Variants in SPATA13 observed in about 807,000 individuals in gnomAD.
The protein encoded by SPATA13 is spermatogenesis-associated protein 13.
A neutral mutation model predicts 104.0 loss-of-function variants in SPATA13; 50 were observed. The observed-to-expected ratio is 0.48, with a 90% confidence interval of 0.38 to 0.61. SPATA13 has a LOEUF of 0.61. SPATA13 is among the 20% of genes least tolerant of loss of function. The pLI is 0.00. For synonymous variants in SPATA13, 606 were observed against 667.5 expected (o/e 0.91, Z 1.42); for missense variants, 1,524 against 1,690.6 (o/e 0.90, Z 1.73).
At chr13:24,302,370 G>A (rs1478656792) in intron 12 of SPATA13, among the ~76,000 whole-genome samples, 2 of 150,124 alleles carry the variant, frequency 1.3e-5, no homozygotes, top group Admixed American at 6.7e-5. Context: ...GCTGAGGTGG[G>A]AGGATCGCTT....
intron 2 of SPATA13, among the ~76,000 whole-genome samples, chr13:24,004,070 G>T (rs1320467466): frequency 6.6e-6 from 1 of 152,142 alleles, no homozygotes; most frequent in Non-Finnish European, 1.5e-5. Flanking sequence ...GCACTCCTGG[G>T]CTTTGGTCTG....
chr13:24,006,879 G>A (rs904143311), intron 2 of SPATA13, among the ~76,000 whole-genome samples: 4 of 152,174 alleles, frequency 2.6e-5, no homozygotes, highest in Non-Finnish European at 5.9e-5. Flanking sequence ...GGATGCCCCC[G>A]CTCGGCAATT....
intron 3 of SPATA13, among the ~76,000 whole-genome samples, chr13:24,138,503 C>A (rs1057225246): frequency 3.3e-5 from 5 of 152,136 alleles, no homozygotes; most frequent in African/African-American, 1.2e-4. Context: ...TTATAAAATA[C>A]ATTTCTTTAA....
In SPATA13 at chr13:24,304,076, C is replaced by T. The variant is rs968293044; in HGVS notation, c.*1303C>T. ...TTAGCAATGAAGTCACAAAGACAGC[C>T]AAAGCAGTCCTGCTTCTTGGAAATC... On this transcript the variant is annotated 3_prime_UTR_variant, in exon 13 of 13. Coordinates refer to ENST00000382108, the MANE Select transcript of SPATA13 (RefSeq NM_001166271.3). The T allele has an allele frequency of 6.6e-6, 1 of 152,228 alleles. No individual in the cohort carries two copies. The highest frequency in any genetic ancestry group is 2.4e-5 in the African/African-American group (1 of 41,452). 9.4% of individuals were successfully genotyped at this position (152,228 alleles called of 1,614,324 possible). A position where few individuals can be genotyped will look rare whatever the true frequency, so the allele number is the denominator to read the frequency against.
At chr13:24,044,433 G>T (rs1337425171) in intron 3 of SPATA13, among the ~76,000 whole-genome samples, 1 of 151,928 alleles carries the variant, frequency 6.6e-6, no homozygotes, top group Admixed American at 6.5e-5. Context: ...GGGTTTCACC[G>T]TGTTGGCCAA....
intron 3 of SPATA13, among the ~76,000 whole-genome samples, chr13:24,052,601 A>G (rs941668058): frequency 2.0e-5 from 3 of 151,794 alleles, no homozygotes; most frequent in African/African-American, 7.3e-5. Flanking sequence ...GATGAAAGCC[A>G]GGCTGTGGAT....
At chr13:24,155,959 T>C (rs1882244865), upstream of SPATA13, among the ~76,000 whole-genome samples, 1 of 152,238 alleles carries the variant, frequency 6.6e-6, no homozygotes, top group Admixed American at 6.5e-5. Flanking sequence ...GATGGGCTTA[T>C]GCATTTAATG....
At chr13:24,076,976 A>G (rs1879352114) in intron 3 of SPATA13, among the ~76,000 whole-genome samples, 2 of 152,052 alleles carry the variant, frequency 1.3e-5, no homozygotes, top group African/African-American at 2.4e-5. Context: ...GGATACGGCA[A>G]AGTCCTTCCC....
chr13:24,100,492 G>C (rs181193542), intron 3 of SPATA13, among the ~76,000 whole-genome samples: 2 of 152,220 alleles, frequency 1.3e-5, no homozygotes, highest in East Asian at 1.9e-4. Flanking sequence ...CCCTCTCTCA[G>C]CTATTTCCAG....
At chr13:24,174,778 C>T (rs1427469695) in intron 1 of SPATA13, among the ~76,000 whole-genome samples, 1 of 152,136 alleles carries the variant, frequency 6.6e-6, no homozygotes, top group Non-Finnish European at 1.5e-5. Flanking sequence ...AGGGTTTCAC[C>T]ATGTTGGCCA....
chr13:24,189,283 A>T (rs1242852832), intron 1 of SPATA13, among the ~76,000 whole-genome samples: 6 of 151,966 alleles, frequency 3.9e-5, no homozygotes, highest in Admixed American at 2.0e-4. Flanking sequence ...CATCCTGGCT[A>T]ACACAGTGAA....
intron 3 of SPATA13, among the ~76,000 whole-genome samples, chr13:24,092,997 G>A (rs1469667633): frequency 1.3e-5 from 2 of 152,202 alleles, no homozygotes; most frequent in African/African-American, 2.4e-5. Flanking sequence ...ACCAAAGGCC[G>A]TGATGATTAA....
chr13:24,086,846 G>A (rs1879741364), intron 3 of SPATA13, among the ~76,000 whole-genome samples: 1 of 152,152 alleles, frequency 6.6e-6, no homozygotes, highest in South Asian at 2.1e-4. Flanking sequence ...CAGCAATGAA[G>A]CAGATGCCTC....
chr13:24,084,218 G>C (rs1879645775), intron 3 of SPATA13, among the ~76,000 whole-genome samples: 2 of 152,294 alleles, frequency 1.3e-5, no homozygotes, highest in South Asian at 4.1e-4. Flanking sequence ...ATGCGTTGGG[G>C]AGATGTGGGT....
At chr13:24,069,419 G>A (rs1039030759) in intron 3 of SPATA13, among the ~76,000 whole-genome samples, 69 of 152,198 alleles carry the variant, frequency 4.5e-4, no homozygotes, top group African/African-American at 1.5e-3. Context: ...TTGGCTCTTG[G>A]CTTCACTGTT....
intron 2 of SPATA13, among the ~76,000 whole-genome samples, chr13:24,243,247 C>T (rs1005415548): frequency 1.3e-5 from 2 of 152,200 alleles, no homozygotes; most frequent in East Asian, 1.9e-4. Flanking sequence ...TACTACGTTA[C>T]GGCTCTTTTA....
chr13:24,240,903 T>G (rs1352590306), intron 2 of SPATA13, among the ~76,000 whole-genome samples: 2 of 152,228 alleles, frequency 1.3e-5, no homozygotes, highest in African/African-American at 4.8e-5. Flanking sequence ...ACATTCATTG[T>G]TTTAAAATGT....
At chr13:24,113,868 C>CAAAAAAA (rs958434459) in intron 3 of SPATA13, among the ~76,000 whole-genome samples, 11 of 56,066 alleles carry the variant, frequency 2.0e-4, no homozygotes, top group Non-Finnish European at 2.5e-4. Context: ...GACTCGATCT[C>CAAAAAAA]AAAAAAAAAA....
At position 24,223,647 on chromosome 13, in the gene SPATA13, A is replaced by G. The variant is rs1302827586; in HGVS notation, c.718A>G (p.Arg240Gly). Residue 240 changes from arginine to glycine, a missense_variant, in exon 2 of 13, where the codon AGG becomes GGG. By Grantham distance (125) the Arg-to-Gly change is moderately radical (BLOSUM62 -2). Around this residue, in one of 2 missense-constraint regions of SPATA13, gnomAD observed 1,089 missense variants for 1,135.9 expected, o/e 0.96. Coordinates refer to ENST00000382108, the MANE Select transcript of SPATA13 (RefSeq NM_001166271.3). ...QVPAVCEILVRDPENNSMGYR... is the reference protein window; with the variant it reads ...QVPAVCEILVGDPENNSMGYR... ...GCCCGCCGTGTGTGAGATTCTCGTG[A>G]GGGACCCTGAAAACAACAGCATGGG... The G allele has an allele frequency of 1.3e-6, 2 of 1,552,102 alleles. No homozygotes were observed. The highest frequency in any genetic ancestry group is 1.7e-6 in the Non-Finnish European group (2 of 1,147,106).
Sources: gnomAD v4.1 joint callset for allele counts (sites outside exome capture counted in the v4.1 genomes callset) on GRCh38, gnomAD v4.1.1 for gene constraint, gnomAD v4.1.1 regional missense constraint, MANE v1.5 for transcripts, NCBI Gene and HGNC (gene_info 2026-07-23, HGNC 2026-07-21) for gene names.